Variants in PCDHA4 observed in about 807,000 individuals in gnomAD.
The protein encoded by PCDHA4 is protocadherin alpha-4.
PCDHA4 carries 49 observed loss-of-function variants against 61.4 expected under a neutral mutation model. That is an observed-to-expected ratio of 0.80 (90% CI 0.63 to 1.01). The LOEUF (loss-of-function observed/expected upper bound fraction) is 1.01. PCDHA4 is among the 50% of genes least tolerant of loss of function. PCDHA4 has a pLI of 0.00. For synonymous variants in PCDHA4, 590 were observed against 550.3 expected, an observed-to-expected ratio of 1.07 and a Z score of -1.01; for missense variants, 1,254 against 1,235.8, an observed-to-expected ratio of 1.01 and a Z score of -0.22.
In PCDHA4 at chr5:140,941,719, C is replaced by G. The variant is rs76426901; in HGVS notation, c.2386-37230C>G. 1.5e-4 allele frequency among the ~76,000 whole-genome samples: 23 copies of G among 152,260 alleles called. No individual in the cohort carries two copies. The East Asian group carries it at 4.0e-3, about 27-fold the overall frequency. ...GGCTTAGCTTTCCTCCACAATTTGT[C>G]CTAGCAGTTCCCCATTATCTTATCA... is the stretch of plus-strand genomic sequence containing the variant. On this transcript the variant is annotated intron_variant, in intron 1 of 3. Coordinates refer to ENST00000530339, the MANE Select transcript of PCDHA4 (RefSeq NM_018907.4).
chr5:140,850,200 C>T, intron 1 of PCDHA4: 1 of 1,593,442 alleles, frequency 6.3e-7, no homozygotes. Context: ...GCTGACACCT[C>T]GGATGAGGGG....
intron 1 of PCDHA4, among the ~76,000 whole-genome samples, chr5:140,922,430 A>C (rs574413053): frequency 6.6e-6 from 1 of 152,364 alleles, no homozygotes; most frequent in East Asian, 1.9e-4. Flanking sequence ...GGCTGAGGGC[A>C]GAACTCTCTC....
At chr5:140,842,869 G>A (rs1562404536) in intron 1 of PCDHA4, 1 of 1,594,118 alleles carries the variant, frequency 6.3e-7, no homozygotes, top group Non-Finnish European at 8.6e-7. Context: ...AGAGCGGCAA[G>A]GTGTACGCGC....
intron 1 of PCDHA4, among the ~76,000 whole-genome samples, chr5:140,826,676 T>A (rs1377282771): frequency 6.6e-6 from 1 of 152,118 alleles, no homozygotes; most frequent in Non-Finnish European, 1.5e-5. Context: ...GTAGACGTAA[T>A]TAAAAAAACC....
chr5:140,853,959 GC>G, intron 1 of PCDHA4: 1 of 736,848 alleles, frequency 1.4e-6, no homozygotes, highest in Non-Finnish European at 1.7e-6. Context: ...CCTTCCTTGA[GC>G]CCAGCAGTTT....
intron 1 of PCDHA4, chr5:140,841,151 T>C (rs1777047208): frequency 1.2e-6 from 1 of 800,306 alleles, no homozygotes; most frequent in Admixed American, 3.0e-5. Flanking sequence ...GATGTCGCTG[T>C]CTACCAAGAA....
At position 140,870,626 on chromosome 5, in the gene PCDHA4, C is replaced by T. The variant is rs782773688; in HGVS notation, c.2385+61054C>T. 61 of 1,612,898 alleles carry T rather than the reference C, an allele frequency of 3.8e-5. No homozygotes were observed. Among genetic ancestry groups the T allele is most frequent in the Non-Finnish European group, 5.0e-5 (59 of 1,179,802 alleles). Reference sequence around the variant, plus strand: ...GACCGCGCGCTGTCGAGCTACGTGTCGGTGCACGCGGAGAGCGGCAAGGTG... The same window carrying T: ...GACCGCGCGCTGTCGAGCTACGTGTTGGTGCACGCGGAGAGCGGCAAGGTG... On this transcript the variant is annotated intron_variant, in intron 1 of 3. Transcript: ENST00000530339.
chr5:140,842,383 C>T, intron 1 of PCDHA4: 2 of 1,610,796 alleles, frequency 1.2e-6, no homozygotes, highest in Non-Finnish European at 1.7e-6. Context: ...CACTGACTTC[C>T]TTATCCTTGC....
intron 1 of PCDHA4, among the ~76,000 whole-genome samples, chr5:140,923,770 G>C (rs1554201580): frequency 6.6e-6 from 1 of 152,152 alleles, no homozygotes; most frequent in East Asian, 1.9e-4. Context: ...AATCCTACTG[G>C]GTGGATGGTT....
intron 3 of PCDHA4, among the ~76,000 whole-genome samples, chr5:140,984,776 G>C (rs1310495858): frequency 6.6e-6 from 1 of 152,062 alleles, no homozygotes; most frequent in Non-Finnish European, 1.5e-5. Context: ...AAGCTTACTT[G>C]CTGGGTGAGC....
At chr5:140,966,899 C>T in intron 1 of PCDHA4, 2 of 1,598,372 alleles carry the variant, frequency 1.3e-6, no homozygotes, top group African/African-American at 1.3e-5. Context: ...CTCCCAGCTG[C>T]GATACTCTGT....
intron 1 of PCDHA4, among the ~76,000 whole-genome samples, chr5:140,951,543 C>A (rs246041): frequency 1.3e-5 from 2 of 151,428 alleles, no homozygotes; most frequent in South Asian, 2.1e-4. Flanking sequence ...GAGCAAGGGA[C>A]GGGGGGAAGT....
chr5:140,870,421 G>A (rs782065685), intron 1 of PCDHA4: 1 of 1,614,216 alleles, frequency 6.2e-7, no homozygotes, highest in Non-Finnish European at 8.5e-7. Flanking sequence ...CACGGCCAGG[G>A]TATCCGTGGA....
chr5:140,845,110 T>C (rs1779704552), intron 1 of PCDHA4, among the ~76,000 whole-genome samples: 1 of 149,836 alleles, frequency 6.7e-6, no homozygotes, highest in East Asian at 1.9e-4. Flanking sequence ...TTAATGCCTG[T>C]CCATGTTTAG....
At chr5:140,910,485 A>G (rs1251216481) in intron 1 of PCDHA4, among the ~76,000 whole-genome samples, 1 of 152,206 alleles carries the variant, frequency 6.6e-6, no homozygotes. Flanking sequence ...TGGCATACAG[A>G]GAAGAGCAAT....
At chr5:140,968,345 G>A in intron 1 of PCDHA4, 2 of 1,614,132 alleles carry the variant, frequency 1.2e-6, no homozygotes, top group Non-Finnish European at 8.5e-7. Flanking sequence ...CATTAACAGT[G>A]CCAGTGGCAG....
intron 3 of PCDHA4, among the ~76,000 whole-genome samples, chr5:140,989,698 A>G (rs145222021): frequency 6.6e-6 from 1 of 152,344 alleles, no homozygotes; most frequent in African/African-American, 2.4e-5. Flanking sequence ...TGAAAATTTT[A>G]TCTTCAGAGG....
At chr5:140,871,215 C>T (rs782542021) in intron 1 of PCDHA4, 2 of 1,613,854 alleles carry the variant, frequency 1.2e-6, no homozygotes, top group Non-Finnish European at 1.7e-6. Flanking sequence ...TCGCCATCTG[C>T]GTGGTGTCCA....
intron 1 of PCDHA4, chr5:140,927,766 G>A: frequency 1.2e-6 from 2 of 1,614,234 alleles, no homozygotes; most frequent in Non-Finnish European, 1.7e-6. Context: ...TAAAAGTGGG[G>A]AGGTGCAAGT....
Sources: allele counts gnomAD v4.1 joint callset (sites outside exome capture counted in the v4.1 genomes callset), GRCh38; gene constraint gnomAD v4.1.1; transcripts MANE v1.5; gene names NCBI Gene and HGNC (gene_info 2026-07-23, HGNC 2026-07-21).